Variants in FMN2 observed in about 807,000 individuals in gnomAD.
The protein encoded by FMN2 is formin-2.
A neutral mutation model predicts 142.3 loss-of-function variants in FMN2; 51 were observed. The observed-to-expected ratio is 0.36, with a 90% confidence interval of 0.29 to 0.45. The LOEUF (loss-of-function observed/expected upper bound fraction) is 0.45, where lower values mean the gene tolerates loss of function less well. Ranked by LOEUF, FMN2 falls within the 20% of genes least tolerant of loss-of-function variation. The pLI, the probability that FMN2 is intolerant of heterozygous loss-of-function variation, is 1.00. For synonymous variants in FMN2, 882 were observed against 869.8 expected, an observed-to-expected ratio of 1.01 and a Z score of -0.25; for missense variants, 1,936 against 2,122.8, an observed-to-expected ratio of 0.91 and a Z score of 1.73.
At chr1:240,204,675 C>T (rs1304863636) in intron 4 of FMN2, among the ~76,000 whole-genome samples, 4 of 152,218 alleles carry the variant, frequency 2.6e-5, no homozygotes, top group African/African-American at 7.2e-5. Context: ...TGCATGAACC[C>T]GCGAGGCAGA....
chr1:240,102,883 GAGACAGGGTCTCAC>G (rs1661462131), intron 1 of FMN2, among the ~76,000 whole-genome samples: 1 of 92,044 alleles, frequency 1.1e-5, no homozygotes, highest in African/African-American at 4.1e-5. Context: ...TTTTTTTTTT[GAGACAGGGTCTCAC>G]TCTGTCACCC....
chr1:240,135,597 T>A (rs1662903356), intron 2 of FMN2, among the ~76,000 whole-genome samples: 1 of 152,080 alleles, frequency 6.6e-6, no homozygotes, highest in Non-Finnish European at 1.5e-5. Flanking sequence ...GATAGTTCAG[T>A]GTGAAGTAGA....
At chr1:240,224,764 GC>G (rs751323262) in intron 6 of FMN2, among the ~76,000 whole-genome samples, 1 of 152,146 alleles carries the variant, frequency 6.6e-6, no homozygotes, top group East Asian at 1.9e-4. Flanking sequence ...ATTTGCTGCA[GC>G]CAAGGAGATG....
chr1:240,243,837 T>C (rs1170185506), intron 6 of FMN2, among the ~76,000 whole-genome samples: 3 of 152,208 alleles, frequency 2.0e-5, no homozygotes, highest in African/African-American at 7.2e-5. Context: ...AATCTTGAGT[T>C]TGGGAATTGT....
chr1:240,227,426 T>A, intron 6 of FMN2, among the ~76,000 whole-genome samples: 1 of 134,446 alleles, frequency 7.4e-6, no homozygotes. Flanking sequence ...TTCTCCAAAC[T>A]CATTTTTTTT....
intron 14 of FMN2, among the ~76,000 whole-genome samples, chr1:240,357,522 C>T (rs894095597): frequency 6.6e-6 from 1 of 151,778 alleles, no homozygotes; most frequent in Non-Finnish European, 1.5e-5. Flanking sequence ...TAGGATTTGT[C>T]TAGTAGTTCC....
intron 6 of FMN2, among the ~76,000 whole-genome samples, chr1:240,231,352 G>C (rs1667518131): frequency 2.3e-5 from 3 of 131,160 alleles, no homozygotes; most frequent in Admixed American, 1.4e-4. Context: ...AAGCTTGACT[G>C]TATTAAAAAA....
intron 16 of FMN2, among the ~76,000 whole-genome samples, chr1:240,452,062 TCA>T (rs1676072361): frequency 5.3e-5 from 8 of 151,864 alleles, no homozygotes; most frequent in Non-Finnish European, 1.2e-4. Context: ...GTGGTGGCAC[TCA>T]CCTGTAGTCC....
intron 1 of FMN2, among the ~76,000 whole-genome samples, chr1:240,106,595 TC>T (rs1558297976): frequency 6.6e-6 from 1 of 152,160 alleles, no homozygotes; most frequent in African/African-American, 2.4e-5. Context: ...CTCTTCCTCC[TC>T]CTTATATTTA....
At chr1:240,253,599 T>A (rs1382536933) in intron 6 of FMN2, among the ~76,000 whole-genome samples, 7 of 152,224 alleles carry the variant, frequency 4.6e-5, no homozygotes, top group Non-Finnish European at 8.8e-5. Flanking sequence ...TTCATGAATG[T>A]CTTTTTCATT....
chr1:240,443,705 A>G (rs1203898054), intron 16 of FMN2, among the ~76,000 whole-genome samples: 1 of 152,146 alleles, frequency 6.6e-6, no homozygotes, highest in Admixed American at 6.5e-5. Flanking sequence ...GTGAGCTGAG[A>G]TCACGCCACT....
At chr1:240,114,839 G>C (rs1267329628) in intron 1 of FMN2, among the ~76,000 whole-genome samples, 1 of 151,936 alleles carries the variant, frequency 6.6e-6, no homozygotes, top group African/African-American at 2.4e-5. Flanking sequence ...TGTATTTTTA[G>C]TAGAGATGGG....
intron 1 of FMN2, among the ~76,000 whole-genome samples, chr1:240,098,096 A>ATTTTTTTTTTTTTTTTTTTTTTT (rs1558293621): frequency 3.7e-5 from 3 of 81,194 alleles, no homozygotes; most frequent in African/African-American, 2.1e-4. Flanking sequence ...GGTTATCTTG[A>ATTTTTTTTTTTTTTTTTTTTTTT]ATTTTTTTTT....
chr1:240,201,921 C>A (rs1460822581), intron 4 of FMN2, among the ~76,000 whole-genome samples: 3 of 152,086 alleles, frequency 2.0e-5, no homozygotes, highest in Admixed American at 6.5e-5. Context: ...TCAAAGAAAT[C>A]AAATACAACT....
intron 7 of FMN2, among the ~76,000 whole-genome samples, chr1:240,272,595 G>A (rs140704008): frequency 2.1e-4 from 32 of 152,288 alleles, no homozygotes; most frequent in Non-Finnish European, 3.8e-4. Flanking sequence ...AGGATTCTGA[G>A]AGTTCTGGAG....
At chr1:240,422,672 G>A (rs566207203) in intron 15 of FMN2, among the ~76,000 whole-genome samples, 185 of 152,216 alleles carry the variant, frequency 1.2e-3, no homozygotes, top group African/African-American at 4.1e-3. Flanking sequence ...CTACATAGAC[G>A]TATTAGTCTT....
chr1:240,209,870 C>G (rs891007556), intron 5 of FMN2, among the ~76,000 whole-genome samples: 2 of 151,884 alleles, frequency 1.3e-5, no homozygotes, highest in Admixed American at 6.6e-5. Flanking sequence ...CGCCACTGCA[C>G]TCCAGCCTGG....
chr1:240,226,421 C>G (rs1017173490), intron 6 of FMN2, among the ~76,000 whole-genome samples: 2 of 152,192 alleles, frequency 1.3e-5, no homozygotes, highest in African/African-American at 4.8e-5. Flanking sequence ...AACCAGTCAT[C>G]TTACATCCAG....
intron 14 of FMN2, among the ~76,000 whole-genome samples, chr1:240,367,725 G>A (rs367840342): frequency 3.4e-4 from 45 of 130,670 alleles, no homozygotes; most frequent in Admixed American, 3.4e-3. Context: ...CCGAGATCAC[G>A]CCACTGCACT....
Sources: gnomAD v4.1 joint callset for allele counts (sites outside exome capture counted in the v4.1 genomes callset) on GRCh38, gnomAD v4.1.1 for gene constraint, MANE v1.5 for transcripts, NCBI Gene and HGNC (gene_info 2026-07-23, HGNC 2026-07-21) for gene names.